Variants in SPON1 observed in about 807,000 individuals in gnomAD.
SPON1 encodes the protein spondin 1.
SPON1 carries 52 observed loss-of-function variants against 111.7 expected under a neutral mutation model. That is an observed-to-expected ratio of 0.47 (90% confidence interval 0.37 to 0.59). SPON1 has a LOEUF of 0.59. Ranked by LOEUF, SPON1 falls within the 20% of genes least tolerant of loss-of-function variation. The pLI is 0.00. For synonymous variants in SPON1, 410 were observed against 395.8 expected, an observed-to-expected ratio of 1.04 and a Z score of -0.43; for missense variants, 957 against 1,068.5, an observed-to-expected ratio of 0.90 and a Z score of 1.46.
chr11:14,081,853 A>T lies in SPON1; in HGVS notation c.676+1832A>T, dbSNP rs536116000. On this transcript the variant is annotated intron_variant, in intron 5 of 15. Coordinates refer to ENST00000576479, the MANE Select transcript of SPON1 (RefSeq NM_006108.4). The stretch of plus-strand genomic sequence containing the variant: ...CCAGAGGGGACTTCGACATTTGTTG[A>T]CAAATCAAGAGCTCTATTGTTTAAT... Among the ~76,000 whole-genome samples the T allele has an allele frequency of 3.9e-5, 6 of 152,246 alleles. No individual in the cohort carries two copies. The South Asian group carries it at 8.3e-4, about 21-fold the overall frequency.
intron 2 of SPON1, among the ~76,000 whole-genome samples, chr11:14,036,593 A>G (rs1225967727): frequency 6.6e-6 from 1 of 152,236 alleles, no homozygotes; most frequent in Non-Finnish European, 1.5e-5. Context: ...TTGGAGATAC[A>G]TGCCTGGAAC....
At chr11:14,094,237 G>T (rs1265975485) in intron 5 of SPON1, among the ~76,000 whole-genome samples, 4 of 149,172 alleles carry the variant, frequency 2.7e-5, no homozygotes, top group Non-Finnish European at 5.9e-5. Flanking sequence ...GCCACACAAC[G>T]CTTGGTACTT....
chr11:14,182,184 C>G (rs946248420), intron 6 of SPON1, among the ~76,000 whole-genome samples: 5 of 152,184 alleles, frequency 3.3e-5, no homozygotes, highest in Admixed American at 6.5e-5. Flanking sequence ...ATACCTGTCC[C>G]TGAGACTACT....
intron 6 of SPON1, among the ~76,000 whole-genome samples, chr11:14,192,115 C>A (rs1333973551): frequency 6.6e-6 from 1 of 151,960 alleles, no homozygotes; most frequent in Non-Finnish European, 1.5e-5. Context: ...ATAACATTAG[C>A]CCTGGATAGT....
chr11:14,026,453 C>A (rs1848518782), intron 2 of SPON1, among the ~76,000 whole-genome samples: 1 of 152,202 alleles, frequency 6.6e-6, no homozygotes, highest in Non-Finnish European at 1.5e-5. Flanking sequence ...CTGCCATTGT[C>A]ACTCTAAAAC....
At chr11:14,237,413 G>T (rs1381746007) in intron 6 of SPON1, among the ~76,000 whole-genome samples, 12 of 152,166 alleles carry the variant, frequency 7.9e-5, no homozygotes, top group Non-Finnish European at 1.6e-4. Flanking sequence ...TGAGCAACAT[G>T]GGGGAGGGAG....
intron 6 of SPON1, among the ~76,000 whole-genome samples, chr11:14,193,787 C>T (rs1301420740): frequency 1.3e-5 from 2 of 152,226 alleles, no homozygotes; most frequent in Non-Finnish European, 2.9e-5. Context: ...ATACTCTCTC[C>T]TCTGACATCC....
intron 6 of SPON1, among the ~76,000 whole-genome samples, chr11:14,160,877 T>TTTTATATATTTATATATA (rs1205456683): frequency 1.1e-4 from 3 of 27,896 alleles, no homozygotes; most frequent in African/African-American, 3.9e-4. Flanking sequence ...ATTTTTATAT[T>TTTTATATATTTATATATA]TTTATATATT....
chr11:14,200,473 C>T (rs959679869), intron 6 of SPON1, among the ~76,000 whole-genome samples: 8 of 152,086 alleles, frequency 5.3e-5, no homozygotes, highest in African/African-American at 1.7e-4. Flanking sequence ...TTTTTGTTGA[C>T]TTCATGAATC....
intron 11 of SPON1, 108 bp downstream of exon 11, chr11:14,258,006 A>G: frequency 9.2e-7 from 1 of 1,082,256 alleles, no homozygotes; most frequent in Non-Finnish European, 1.3e-6. Flanking sequence ...CCCTGACAGT[A>G]GATGTCAGTG....
At chr11:13,981,071 T>TTTTA (rs1554909584) in intron 1 of SPON1, among the ~76,000 whole-genome samples, 1 of 152,198 alleles carries the variant, frequency 6.6e-6, no homozygotes, top group East Asian at 1.9e-4. Flanking sequence ...TTACATCAAT[T>TTTTA]TAAAGAAACT....
chr11:14,033,952 A>G (rs1231544090), intron 2 of SPON1, among the ~76,000 whole-genome samples: 2 of 152,246 alleles, frequency 1.3e-5, no homozygotes, highest in Non-Finnish European at 2.9e-5. Context: ...ACTTAACCCA[A>G]GAAGGTTTAT....
chr11:14,199,332 T>C (rs138339482), intron 6 of SPON1, among the ~76,000 whole-genome samples: 2 of 152,226 alleles, frequency 1.3e-5, no homozygotes, highest in Non-Finnish European at 2.9e-5. Context: ...AGCACCAACG[T>C]CTGCCTAGGT....
chr11:13,998,022 A>T (rs145905436), intron 2 of SPON1, among the ~76,000 whole-genome samples: 3 of 152,258 alleles, frequency 2.0e-5, no homozygotes, highest in African/African-American at 7.2e-5. Context: ...TCTTTCTTTC[A>T]CAACAACACA....
intron 6 of SPON1, among the ~76,000 whole-genome samples, chr11:14,175,902 G>C (rs1848169434): frequency 6.6e-6 from 1 of 152,178 alleles, no homozygotes. Flanking sequence ...ATGGGAAACT[G>C]AATTAACATT....
In SPON1 at chr11:14,135,539, G is replaced by A. The variant is rs540840723; in HGVS notation, c.796G>A (p.Val266Met). The A allele has an allele frequency of 3.0e-5, 49 of 1,613,406 alleles. No individual in the cohort carries two copies. The highest frequency in any genetic ancestry group is 2.9e-4 in the South Asian group (26 of 91,018). The change falls in exon 6 of 16, where the codon GTG becomes ATG. Residue 266 changes from valine to methionine, a missense_variant. Transcript: ENST00000576479. The surrounding 1 kb of genome is among the most constrained non-coding windows in gnomAD (Gnocchi z 4.4). Reference protein sequence around the residue: ...VKQVAELGSPVKMEEEIRQQS... With the variant: ...VKQVAELGSPMKMEEEIRQQS... ...ACAAGTTGCAGAATTGGGCTCACCC[G>A]TGAAAATGGAGGAAGAAATTCGACA...
intron 6 of SPON1, among the ~76,000 whole-genome samples, chr11:14,217,235 G>T (rs11023147): frequency 1.3e-5 from 2 of 152,052 alleles, no homozygotes; most frequent in African/African-American, 4.8e-5. Flanking sequence ...CTCACAGTTC[G>T]GTTGTTTCAG....
chr11:14,260,637 C>G lies in SPON1; in HGVS notation c.1881C>G (p.Ser627Arg). Residue 627 changes from serine (S) to arginine (R), a missense_variant, in exon 14 of 16, where the codon AGC becomes AGG. This residue lies in a region of SPON1 where 549 missense variants were observed against 606.2 expected (regional missense o/e 0.91). Coordinates refer to ENST00000576479, the MANE Select transcript of SPON1 (RefSeq NM_006108.4). Reference protein sequence around the residue: ...LSPWSEWSDCSVTCGKGMRTR... With the variant: ...LSPWSEWSDCRVTCGKGMRTR... ...CATGGTCCGAGTGGAGTGACTGCAG[C>G]GTGACCTGCGGGAAGGGCATGCGAA... 6.2e-7 allele frequency: 1 copy of G among 1,613,944 alleles called. No individual in the cohort carries two copies. The highest frequency in any genetic ancestry group is 2.2e-5 in the East Asian group (1 of 44,880).
At chr11:14,028,217 C>A (rs868974030) in intron 2 of SPON1, among the ~76,000 whole-genome samples, 31 of 152,076 alleles carry the variant, frequency 2.0e-4, no homozygotes, top group African/African-American at 7.2e-4. Context: ...TTTGGTGGCT[C>A]ACACCTGTAA....
Sources: allele counts gnomAD v4.1 joint callset (sites outside exome capture counted in the v4.1 genomes callset), GRCh38; gene constraint gnomAD v4.1.1; regional missense constraint gnomAD v4.1.1; non-coding constraint Gnocchi (gnomAD v3.1); transcripts MANE v1.5; gene names NCBI Gene and HGNC (gene_info 2026-07-23, HGNC 2026-07-21).